ASTN2: variants seen among roughly 807,000 people sequenced by gnomAD.
The protein encoded by ASTN2 is astrotactin-2.
In ASTN2, 54 loss-of-function variants were observed where a neutral mutation model predicts 139.8. The observed-to-expected ratio is 0.39, with a 90% confidence interval of 0.31 to 0.48. ASTN2 has a LOEUF of 0.48. Ranked by LOEUF, ASTN2 falls within the 20% of genes least tolerant of loss-of-function variation. The probability of loss-of-function intolerance (pLI) is 0.95; values close to 1 mark genes in which losing one functional copy is unlikely to be tolerated. For synonymous variants in ASTN2, 756 were observed against 719.5 expected, an observed-to-expected ratio of 1.05 and a Z score of -0.81; for missense variants, 1,565 against 1,725.1, an observed-to-expected ratio of 0.91 and a Z score of 1.64.
chr9:116,557,243 A>AAG (rs1225879372), intron 19 of ASTN2, among the ~76,000 whole-genome samples: 1 of 151,038 alleles, frequency 6.6e-6, no homozygotes, highest in Non-Finnish European at 1.5e-5. Context: ...AAAAAAAAAA[A>AAG]AAAAAAGAAA....
intron 10 of ASTN2, among the ~76,000 whole-genome samples, chr9:116,876,082 C>A (rs1833288359): frequency 6.6e-6 from 1 of 152,088 alleles, no homozygotes; most frequent in African/African-American, 2.4e-5. Flanking sequence ...TAAAAACTTT[C>A]CAGAAAGGAT....
chr9:116,575,300 AAAAAG>A (rs1853682145), intron 19 of ASTN2, among the ~76,000 whole-genome samples: 1 of 152,144 alleles, frequency 6.6e-6, no homozygotes, highest in Non-Finnish European at 1.5e-5. Context: ...TAATTAAAAA[AAAAAG>A]AAAGAAAAAT....
At chr9:116,962,915 G>A (rs969572344) in intron 10 of ASTN2, among the ~76,000 whole-genome samples, 1 of 152,112 alleles carries the variant, frequency 6.6e-6, no homozygotes, top group Admixed American at 6.6e-5. Context: ...AAACATCTTC[G>A]TGAACATACA....
At chr9:116,784,219 C>A (rs968503946) in intron 13 of ASTN2, among the ~76,000 whole-genome samples, 1 of 152,162 alleles carries the variant, frequency 6.6e-6, no homozygotes, top group African/African-American at 2.4e-5. Flanking sequence ...TTCTCCTGAA[C>A]AATTCAATCA....
In ASTN2 at chr9:116,755,583, A is replaced by G. The variant is rs563183869; in HGVS notation, c.2397-22060T>C. ...TGATCTTGGACTTTTAGCCTCCAAA[A>G]CTATGAAAAATAAATTTCTTTTGCT... On this transcript the variant is annotated intron_variant, in intron 13 of 22. Transcript: ENST00000313400. Among the ~76,000 whole-genome samples, 11 of 152,330 alleles carry G rather than the reference A, an allele frequency of 7.2e-5. 1 individual carries two copies. In the South Asian group the frequency reaches 2.3e-3, roughly 32 times the overall value.
intron 22 of ASTN2, among the ~76,000 whole-genome samples, chr9:116,427,153 A>AT (rs1273011936): frequency 6.6e-6 from 1 of 151,982 alleles, no homozygotes; most frequent in Non-Finnish European, 1.5e-5. Flanking sequence ...TGGGCTGTAT[A>AT]TTTTTTTGTT....
intron 10 of ASTN2, among the ~76,000 whole-genome samples, chr9:116,888,744 G>T (rs1833682576): frequency 6.6e-6 from 1 of 152,018 alleles, no homozygotes; most frequent in Admixed American, 6.6e-5. Context: ...GGACATGTAG[G>T]TTTGTTACAT....
chr9:116,817,430 C>T lies in ASTN2; in HGVS notation c.2207+3187G>A, dbSNP rs113640953. On this transcript the variant is annotated intron_variant, in intron 12 of 22. Transcript: ENST00000313400. ...TGATGCCTGAATTGAAACTTGGAGG[C>T]GAAAGCTAAAGGGCCAGGGACAAAT... 1.6e-4 allele frequency among the ~76,000 whole-genome samples: 24 copies of T among 152,094 alleles called. 1 individual carries two copies. The highest frequency in any genetic ancestry group is 5.5e-4 in the African/African-American group (23 of 41,472).
chr9:116,939,874 T>C (rs1289955875), intron 10 of ASTN2, among the ~76,000 whole-genome samples: 2 of 152,192 alleles, frequency 1.3e-5, no homozygotes, highest in East Asian at 1.9e-4. Flanking sequence ...GGTGACCCCA[T>C]AGCATGACAA....
chr9:117,398,305 CA>C (rs538884122), intron 1 of ASTN2, among the ~76,000 whole-genome samples: 3 of 152,102 alleles, frequency 2.0e-5, no homozygotes, highest in Non-Finnish European at 4.4e-5. Flanking sequence ...ATCTCCTTTC[CA>C]ATATATTGTA....
rs190757359 is a variant in ASTN2 at position 116,745,214 on chromosome 9, T to C, written c.2397-11691A>G. Among the ~76,000 whole-genome samples, 12 of 152,326 alleles carry C rather than the reference T, an allele frequency of 7.9e-5. No individual in the cohort carries two copies. The East Asian group carries it at 2.3e-3, about 29-fold the overall frequency. On this transcript the variant is annotated intron_variant, in intron 13 of 22. Coordinates refer to ENST00000313400, the MANE Select transcript of ASTN2 (RefSeq NM_001365068.1). ...CCTTGCAGGTGTTTTCTTGGCAGAA[T>C]TGGACTGACTACCAATCCCTATTCT... is the stretch of plus-strand genomic sequence containing the variant.
rs563692106 is a variant in ASTN2 at position 117,110,730 on chromosome 9, A to G, written c.1169-14579T>C. Among the ~76,000 whole-genome samples the G allele has an allele frequency of 2.6e-5, 4 of 152,360 alleles. No individual in the cohort carries two copies. In the East Asian group the frequency reaches 7.7e-4, roughly 29 times the overall value. On this transcript the variant is annotated intron_variant, in intron 4 of 22. Coordinates refer to ENST00000313400, the MANE Select transcript of ASTN2 (RefSeq NM_001365068.1). The stretch of plus-strand genomic sequence containing the variant: ...AAGTTGAAAAGTAGAGGAAGTAGCC[A>G]GCACAGGATGAATTTCTCATCTTCA...
intron 17 of ASTN2, among the ~76,000 whole-genome samples, chr9:116,625,255 C>A (rs1396094637): frequency 6.6e-6 from 1 of 152,052 alleles, no homozygotes; most frequent in Non-Finnish European, 1.5e-5. Context: ...ATGGTGGAAC[C>A]CCATCTCTAC....
At chr9:116,532,927 A>C (rs563494459) in intron 19 of ASTN2, among the ~76,000 whole-genome samples, 1 of 152,322 alleles carries the variant, frequency 6.6e-6, no homozygotes, top group Non-Finnish European at 1.5e-5. Context: ...TGGGGATGGC[A>C]CTGAATCTAT....
intron 2 of ASTN2, among the ~76,000 whole-genome samples, chr9:117,281,090 C>A (rs1001788288): frequency 1.8e-4 from 28 of 152,150 alleles, no homozygotes; most frequent in African/African-American, 6.8e-4. Flanking sequence ...AACCTCCCAA[C>A]ATAGCTCAAA....
At chr9:116,847,016 A>C (rs539875659) in intron 11 of ASTN2, among the ~76,000 whole-genome samples, 3,767 of 147,594 alleles carry the variant, frequency 0.026, 215 homozygotes, top group African/African-American at 0.091. Context: ...TCAAAAAAAA[A>C]AAAAAAAAAA....
rs932500987 is a variant in ASTN2 at position 116,918,558 on chromosome 9, CT to C, written c.1890-54826del. On this transcript the variant is annotated intron_variant, in intron 10 of 22. Transcript: ENST00000313400. ...CCAGATTCCATAGGCTTCTTTCAAA[CT>C]TTTTTTTCATATTTTTTCATTTACA... 7.2e-5 allele frequency among the ~76,000 whole-genome samples: 11 copies of C among 152,214 alleles called. No homozygotes were observed. In the South Asian group the frequency reaches 1.5e-3, roughly 20 times the overall value.
chr9:116,603,128 C>T (rs1350154446), intron 19 of ASTN2, among the ~76,000 whole-genome samples: 1 of 152,052 alleles, frequency 6.6e-6, no homozygotes, highest in Non-Finnish European at 1.5e-5. Context: ...TTTGACCAAG[C>T]AGGGAAATTA....
chr9:116,497,081 C>T (rs977528586), intron 19 of ASTN2, among the ~76,000 whole-genome samples: 12 of 152,112 alleles, frequency 7.9e-5, no homozygotes, highest in African/African-American at 2.9e-4. Flanking sequence ...CTAGGGAGCT[C>T]CTTCAATCTC....
Sources: allele counts gnomAD v4.1 joint callset (sites outside exome capture counted in the v4.1 genomes callset), GRCh38; gene constraint gnomAD v4.1.1; transcripts MANE v1.5; gene names NCBI Gene and HGNC (gene_info 2026-07-23, HGNC 2026-07-21).